Variants in TXK observed in about 807,000 individuals in gnomAD.
TXK encodes the protein tyrosine-protein kinase TXK.
A neutral mutation model predicts 81.0 loss-of-function variants in TXK; 60 were observed. The ratio of observed to expected loss-of-function variants is 0.74; its 90% CI spans 0.60 to 0.92. The LOEUF (loss-of-function observed/expected upper bound fraction) is 0.92. Among genes scored for constraint, TXK ranks in the 40% least tolerant of loss-of-function variants. The pLI is 0.00. For missense variants in TXK, 581 were observed against 638.3 expected (o/e 0.91, Z 0.97); for synonymous variants, 203 against 210.7 (o/e 0.96, Z 0.32).
intron 5 of TXK, among the ~76,000 whole-genome samples, chr4:48,106,948 T>C (rs1219208244): frequency 6.6e-6 from 1 of 152,198 alleles, no homozygotes; most frequent in Non-Finnish European, 1.5e-5. Context: ...GAACTTGATT[T>C]CCCACATTTA....
chr4:48,118,731 C>A (rs774704307), intron 1 of TXK, among the ~76,000 whole-genome samples: 15 of 152,154 alleles, frequency 9.9e-5, no homozygotes, highest in Non-Finnish European at 2.1e-4. Flanking sequence ...CCCTTTATCC[C>A]AAGCAGTACC....
Position 48,105,822 on chromosome 4 carries a change from T to G in TXK, c.447-867A>C, listed in dbSNP as rs556280122. ...CTTCAGTCTCATTGGAATTATTTCCTTCCTCAGATTCACCAACCCCTTTTC... is the reference window on the plus strand; with the variant it reads ...CTTCAGTCTCATTGGAATTATTTCCGTCCTCAGATTCACCAACCCCTTTTC... On this transcript the variant is annotated intron_variant, in intron 5 of 14. Transcript: ENST00000264316. Among the ~76,000 whole-genome samples the G allele has an allele frequency of 1.7e-4, 26 of 152,338 alleles. No homozygotes were observed. In the East Asian group the frequency reaches 4.8e-3, roughly 28 times the overall value.
At chr4:48,129,132 T>C (rs1719174422) in intron 1 of TXK, among the ~76,000 whole-genome samples, 2 of 152,126 alleles carry the variant, frequency 1.3e-5, no homozygotes, top group Non-Finnish European at 2.9e-5. Context: ...ATTTATTCAA[T>C]TTAGAAAGTT....
At chr4:48,119,068 T>C (rs1270751219) in intron 1 of TXK, among the ~76,000 whole-genome samples, 1 of 152,168 alleles carries the variant, frequency 6.6e-6, no homozygotes, top group Non-Finnish European at 1.5e-5. Context: ...AGATGAATGA[T>C]CTGCTGTTTA....
At position 48,087,092 on chromosome 4, in the gene TXK, T is replaced by C. The variant is rs115355498; in HGVS notation, c.785-455A>G. 7.3e-3 allele frequency among the ~76,000 whole-genome samples: 1,116 copies of C among 152,306 alleles called. 13 individuals carry two copies. The highest frequency in any genetic ancestry group is 0.011 in the Admixed American group (161 of 15,284). On this transcript the variant is annotated intron_variant, in intron 9 of 14. Transcript: ENST00000264316. ...CTAAAGGGCTTTTCTCCCTTGATACTTTTTCTTCTTAGGGAAAAGTCCAAT... is the reference window on the plus strand; with the variant it reads ...CTAAAGGGCTTTTCTCCCTTGATACCTTTTCTTCTTAGGGAAAAGTCCAAT...
intron 10 of TXK, among the ~76,000 whole-genome samples, chr4:48,084,942 C>CTTGT (rs748386132): frequency 7.0e-5 from 7 of 99,756 alleles, no homozygotes; most frequent in African/African-American, 2.0e-4. Flanking sequence ...TTGTTGTTTG[C>CTTGT]TTGTTTGTTT....
intron 1 of TXK, 144 bp from the exon 2 acceptor site, chr4:48,114,546 C>G (rs576191987): frequency 1.4e-4 from 109 of 805,006 alleles, no homozygotes; most frequent in Non-Finnish European, 2.0e-4. Context: ...AGACAAATAA[C>G]TGTCACTAAA....
chr4:48,097,473 C>T (rs1164603454), intron 6 of TXK, among the ~76,000 whole-genome samples: 1 of 143,980 alleles, frequency 6.9e-6, no homozygotes, highest in Non-Finnish European at 1.5e-5. Flanking sequence ...GGCTGGAGTG[C>T]GGTGGCGCCA....
intron 1 of TXK, among the ~76,000 whole-genome samples, chr4:48,128,302 C>G (rs1719147250): frequency 6.6e-6 from 1 of 152,140 alleles, no homozygotes; most frequent in East Asian, 1.9e-4. Context: ...AACCCAAAGA[C>G]CAGGCTTGTT....
intron 1 of TXK, among the ~76,000 whole-genome samples, chr4:48,115,019 G>C (rs542409453): frequency 2.1e-5 from 3 of 143,142 alleles, no homozygotes; most frequent in South Asian, 4.6e-4. Flanking sequence ...CTAGGTATTG[G>C]TATTTCTTTC....
At chr4:48,122,687 A>G (rs1332062229) in intron 1 of TXK, among the ~76,000 whole-genome samples, 1 of 152,252 alleles carries the variant, frequency 6.6e-6, no homozygotes, top group East Asian at 1.9e-4. Context: ...ATGAATACTC[A>G]ATAAATATTT....
At position 48,110,867 on chromosome 4, in the gene TXK, C is replaced by T. The variant is rs538665422; in HGVS notation, c.381-264G>A. 2.6e-4 allele frequency among the ~76,000 whole-genome samples: 39 copies of T among 152,284 alleles called. No homozygotes were observed. The South Asian group carries it at 6.4e-3, about 25-fold the overall frequency. On this transcript the variant is annotated intron_variant, in intron 4 of 14. Coordinates refer to ENST00000264316, the MANE Select transcript of TXK (RefSeq NM_003328.3). The stretch of plus-strand genomic sequence containing the variant: ...CAATCTTTTCAGAGAGAAAAAGGGG[C>T]ACTTAAATGATCATCTGATATCATA...
intron 6 of TXK, among the ~76,000 whole-genome samples, chr4:48,095,799 A>T (rs533826004): frequency 6.6e-6 from 1 of 152,344 alleles, no homozygotes; most frequent in South Asian, 2.1e-4. Flanking sequence ...GGAGAACATG[A>T]TAGTAAATCT....
At chr4:48,127,612 G>A (rs1415071713) in intron 1 of TXK, among the ~76,000 whole-genome samples, 3 of 152,354 alleles carry the variant, frequency 2.0e-5, no homozygotes, top group South Asian at 2.1e-4. Context: ...ATTCGGGCTT[G>A]AAGATTATCA....
intron 1 of TXK, among the ~76,000 whole-genome samples, chr4:48,133,802 C>A (rs1454389243): frequency 6.6e-6 from 1 of 152,108 alleles, no homozygotes; most frequent in Non-Finnish European, 1.5e-5. Context: ...ACTGCTGGAG[C>A]AAATCCAGAA....
At chr4:48,102,730 T>C (rs574150616) in intron 6 of TXK, among the ~76,000 whole-genome samples, 50 of 152,320 alleles carry the variant, frequency 3.3e-4, no homozygotes, top group African/African-American at 1.1e-3. Flanking sequence ...CCACATTGAA[T>C]ACAATTTTAT....
chr4:48,106,154 C>G (rs938884135), intron 5 of TXK: 2 of 152,130 alleles, frequency 1.3e-5, no homozygotes, highest in African/African-American at 2.4e-5. Flanking sequence ...CTGTATTGTT[C>G]CAATTTTTAG....
At position 48,071,556 on chromosome 4, in the gene TXK, T is replaced by A; in HGVS notation, c.1476A>T (p.Pro492=). The change falls in exon 14 of 15, where the codon CCA becomes CCT. Residue 492 remains proline (P), a synonymous_variant. Transcript: ENST00000264316. The part of the protein sequence containing the change: ...GFRLYRPHLA[P]MSIYEVMYSC... ...TGTACATGACTTCATATATGGACATTGGTGCCAGGTGAGGGCGATATAGCC... is the reference window on the plus strand; with the variant it reads ...TGTACATGACTTCATATATGGACATAGGTGCCAGGTGAGGGCGATATAGCC... 6.2e-7 allele frequency: 1 copy of A among 1,614,170 alleles called. No homozygotes were observed. The highest frequency in any genetic ancestry group is 8.5e-7 in the Non-Finnish European group (1 of 1,180,012).
At chr4:48,131,738 C>T (rs1014134647) in intron 1 of TXK, among the ~76,000 whole-genome samples, 1 of 152,208 alleles carries the variant, frequency 6.6e-6, no homozygotes, top group African/African-American at 2.4e-5. Flanking sequence ...TCTCAACACT[C>T]ACAGTGATTT....
Sources: allele counts gnomAD v4.1 joint callset (sites outside exome capture counted in the v4.1 genomes callset), GRCh38; gene constraint gnomAD v4.1.1; transcripts MANE v1.5; gene names NCBI Gene and HGNC (gene_info 2026-07-23, HGNC 2026-07-21).